ENTPD1: variants seen among roughly 807,000 people sequenced by gnomAD.
The protein encoded by ENTPD1 is ATP diphosphohydrolase.
Under a neutral mutation model 57.0 loss-of-function variants are expected in ENTPD1, and 33 were observed. That is an observed-to-expected ratio of 0.58 (90% CI 0.44 to 0.77). The LOEUF (loss-of-function observed/expected upper bound fraction) is 0.77. ENTPD1 is among the 30% of genes least tolerant of loss of function. The pLI is 0.00. For synonymous variants in ENTPD1, 202 were observed against 218.8 expected (o/e 0.92, Z 0.68); for missense variants, 501 against 603.4 (o/e 0.83, Z 1.78).
chr10:95,869,613 A>G lies in ENTPD1; in HGVS notation c.*3230A>G, dbSNP rs1413178745. The stretch of plus-strand genomic sequence containing the variant: ...TTAATCAGGCTTTCTGTGTGACAAG[A>G]AAGAGAAAGAAAATAAAGAAGTTTC... On this transcript the variant is annotated 3_prime_UTR_variant, in exon 10 of 10. Coordinates refer to ENST00000371205, the MANE Select transcript of ENTPD1 (RefSeq NM_001776.6). 2.0e-6 allele frequency: 2 copies of G among 985,204 alleles called. No homozygotes were observed. The highest frequency in any genetic ancestry group is 2.3e-4 in the East Asian group (2 of 8,824). The allele number at this position is 985,204 out of a possible 1,614,324, so 61.0% of individuals were successfully genotyped here. A position where few individuals can be genotyped will look rare whatever the true frequency, so the allele number is the denominator to read the frequency against.
rs950796643 is a variant in ENTPD1 at position 95,871,509 on chromosome 10, T to C, written c.*5126T>C. The C allele has an allele frequency of 3.0e-6, 3 of 985,464 alleles. No individual in the cohort carries two copies. Among genetic ancestry groups the C allele is most frequent in the African/African-American group, 3.5e-5 (2 of 57,376 alleles). The allele number at this position is 985,464 out of a possible 1,614,324, so 61.0% of individuals were successfully genotyped here. A position where few individuals can be genotyped will look rare whatever the true frequency, so the allele number is the denominator to read the frequency against. On this transcript the variant is annotated 3_prime_UTR_variant, in exon 10 of 10. Transcript: ENST00000371205. ...AATGTATAGCTAATTACCCAACTTT[T>C]TATTTGCATACAAATCTAATACAAC... is the stretch of plus-strand genomic sequence containing the variant.
intron 1 of ENTPD1, among the ~76,000 whole-genome samples, chr10:95,789,690 A>T (rs917688917): frequency 6.6e-6 from 1 of 152,184 alleles, no homozygotes; most frequent in Non-Finnish European, 1.5e-5. Flanking sequence ...AATATACACA[A>T]ATCTATTATA....
At chr10:95,780,728 C>T (rs2098154041) in intron 1 of ENTPD1, among the ~76,000 whole-genome samples, 2 of 152,142 alleles carry the variant, frequency 1.3e-5, no homozygotes, top group African/African-American at 4.8e-5. Flanking sequence ...GGGCTTTGAT[C>T]CTAGGTGTGG....
intron 7 of ENTPD1, among the ~76,000 whole-genome samples, chr10:95,854,112 C>T (rs2098450226): frequency 6.6e-6 from 1 of 152,108 alleles, no homozygotes; most frequent in Non-Finnish European, 1.5e-5. Flanking sequence ...ATTTCAGAGC[C>T]TGTTATTGGT....
At chr10:95,796,783 TACAG>T (rs1218974511) in intron 1 of ENTPD1, among the ~76,000 whole-genome samples, 3 of 151,804 alleles carry the variant, frequency 2.0e-5, no homozygotes, top group Non-Finnish European at 4.4e-5. Context: ...AGGGAAGAAA[TACAG>T]AGAGAAATGG....
chr10:95,755,466 G>C (rs141410549), upstream of ENTPD1: 102 of 522,828 alleles, frequency 2.0e-4, no homozygotes, highest in African/African-American at 1.7e-3. Flanking sequence ...TAATCTTGAC[G>C]GTCTGGATGT....
At chr10:95,724,751 G>C (rs2097981785) in intron 1 of ENTPD1, among the ~76,000 whole-genome samples, 1 of 152,190 alleles carries the variant, frequency 6.6e-6, no homozygotes, top group South Asian at 2.1e-4. Flanking sequence ...GTGGTGGATG[G>C]CAAGCGAAAG....
chr10:95,869,266 T>TG lies in ENTPD1; in HGVS notation c.*2883_*2884insG, dbSNP rs1491085626. 1.0e-4 allele frequency: 67 copies of TG among 658,656 alleles called. No homozygotes were observed. In the African/African-American group the frequency reaches 1.3e-3, roughly 13 times the overall value. The allele number at this position is 658,656 out of a possible 1,614,324, so 40.8% of individuals were successfully genotyped here. A position where few individuals can be genotyped will look rare whatever the true frequency, so the allele number is the denominator to read the frequency against. On this transcript the variant is annotated 3_prime_UTR_variant, in exon 10 of 10. Coordinates refer to ENST00000371205, the MANE Select transcript of ENTPD1 (RefSeq NM_001776.6). ...CTTTTTTTTTTTTTTTTTTTTTTTT[T>TG]TGAGAGAGAGTCTCACTCCATTGCC...
At chr10:95,708,003 G>T (rs2139797293), upstream of ENTPD1, among the ~76,000 whole-genome samples, 1 of 152,146 alleles carries the variant, frequency 6.6e-6, no homozygotes, top group Non-Finnish European at 1.5e-5. Flanking sequence ...CTTAAAAAAA[G>T]ATACTAGATT....
chr10:95,863,499 A>G (rs2861153), intron 8 of ENTPD1, among the ~76,000 whole-genome samples: 40,782 of 152,158 alleles, frequency 0.27, 6,320 homozygotes, highest in Admixed American at 0.38. Context: ...AGAGGATGTC[A>G]CATGCAGAGG....
intron 1 of ENTPD1, among the ~76,000 whole-genome samples, chr10:95,810,305 G>A (rs2140436519): frequency 7.1e-6 from 1 of 141,420 alleles, no homozygotes; most frequent in Non-Finnish European, 1.5e-5. Flanking sequence ...GGCGGTGGCT[G>A]GGCAGAGGTG....
the ENTPD1 span, among the ~76,000 whole-genome samples, chr10:95,694,798 T>C: frequency 6.6e-6 from 1 of 151,936 alleles, no homozygotes; most frequent in East Asian, 1.9e-4. Flanking sequence ...TCCTTCGGTA[T>C]TGGAAATGTA....
At chr10:95,694,610 A>C in the ENTPD1 span, among the ~76,000 whole-genome samples, 2 of 152,044 alleles carry the variant, frequency 1.3e-5, no homozygotes, top group African/African-American at 2.4e-5. Flanking sequence ...AGGGAGAGAA[A>C]GAATAAAAAA....
intron 6 of ENTPD1, among the ~76,000 whole-genome samples, chr10:95,846,911 C>A (rs1224867300): frequency 6.6e-6 from 1 of 151,846 alleles, no homozygotes; most frequent in Non-Finnish European, 1.5e-5. Flanking sequence ...ATCGCTTGAA[C>A]CTGGGAGGCT....
At chr10:95,852,200 A>T (rs1423773108) in intron 7 of ENTPD1, among the ~76,000 whole-genome samples, 3 of 152,120 alleles carry the variant, frequency 2.0e-5, no homozygotes, top group Non-Finnish European at 2.9e-5. Context: ...GCATTTTTTC[A>T]TGTATCTGTT....
chr10:95,828,780 G>A (rs1438334245), intron 2 of ENTPD1, among the ~76,000 whole-genome samples: 3 of 146,844 alleles, frequency 2.0e-5, no homozygotes, highest in East Asian at 2.0e-4. Context: ...GCATGATCTC[G>A]GCTCACCGCA....
At chr10:95,759,246 C>T (rs150720029) in intron 1 of ENTPD1, among the ~76,000 whole-genome samples, 1 of 152,314 alleles carries the variant, frequency 6.6e-6, no homozygotes, top group African/African-American at 2.4e-5. Context: ...TCTGTAAAGA[C>T]GTCCCTCTAT....
intron 1 of ENTPD1, among the ~76,000 whole-genome samples, chr10:95,717,337 GTTTT>G (rs10609572): frequency 1.1e-4 from 14 of 125,950 alleles, no homozygotes; most frequent in African/African-American, 2.6e-4. Flanking sequence ...GATCTGCAGG[GTTTT>G]TTTTTTTTTT....
intron 1 of ENTPD1, among the ~76,000 whole-genome samples, chr10:95,729,456 G>A (rs2097987094): frequency 6.6e-6 from 1 of 152,192 alleles, no homozygotes; most frequent in Admixed American, 6.5e-5. Context: ...TGTTTCCTCA[G>A]GATGGTGTCA....
Sources: gnomAD v4.1 joint callset for allele counts (sites outside exome capture counted in the v4.1 genomes callset) on GRCh38, gnomAD v4.1.1 for gene constraint, MANE v1.5 for transcripts, NCBI Gene and HGNC (gene_info 2026-07-23, HGNC 2026-07-21) for gene names.